The following CDH15 variants were observed in gnomAD, a reference collection of about 807,000 sequenced individuals.
CDH15 encodes cadherin-15.
Under a neutral mutation model 69.4 loss-of-function variants are expected in CDH15, and 73 were observed. The ratio of observed to expected loss-of-function variants is 1.05; its 90% CI spans 0.87 to 1.28. The LOEUF (loss-of-function observed/expected upper bound fraction) is 1.28, where lower values mean the gene tolerates loss of function less well. Ranked by LOEUF, CDH15 falls within the 50% of genes most tolerant of loss-of-function variation. The pLI, the probability that CDH15 is intolerant of heterozygous loss-of-function variation, is 0.00. For missense variants in CDH15, 1,343 were observed against 1,133.6 expected, an observed-to-expected ratio of 1.18 and a Z score of -2.65; for synonymous variants, 624 against 507.7, an observed-to-expected ratio of 1.23 and a Z score of -3.08.
intron 6 of CDH15, 93 bp from the exon 7 acceptor site, chr16:89,188,007 G>C (rs1915527768): frequency 1.2e-6 from 1 of 857,666 alleles, no homozygotes; most frequent in Non-Finnish European, 1.8e-6. Context: ...AGGAGGGAGG[G>C]TGGGAGGGGA....
At chr16:89,189,343 C>CAG (rs71387685) in intron 7 of CDH15, among the ~76,000 whole-genome samples, 3 of 124,618 alleles carry the variant, frequency 2.4e-5, no homozygotes, top group Non-Finnish European at 3.5e-5. Context: ...ACACAGATGC[C>CAG]CACACACAGA....
chr16:89,189,852 C>A (rs34126865), intron 7 of CDH15, among the ~76,000 whole-genome samples: 4,489 of 152,336 alleles, frequency 0.029, 100 homozygotes, highest in Non-Finnish European at 0.043. Context: ...GCCGACGCAG[C>A]AGTTTAGAGG....
intron 1 of CDH15, among the ~76,000 whole-genome samples, chr16:89,172,077 C>T (rs1253786997): frequency 6.6e-6 from 1 of 152,086 alleles, no homozygotes; most frequent in Non-Finnish European, 1.5e-5. Context: ...CCAAACACTC[C>T]ATCTGGTGGA....
intron 7 of CDH15, among the ~76,000 whole-genome samples, chr16:89,189,215 GCACAGGTGCCCACA>G (rs1009782020): frequency 7.2e-5 from 4 of 55,690 alleles, no homozygotes; most frequent in Non-Finnish European, 1.4e-4. Flanking sequence ...AGATGCCCAC[GCACAGGTGCCCACA>G]CACAGATGCT....
chr16:89,187,891 G>A (rs1447235430), intron 6 of CDH15, among the ~76,000 whole-genome samples: 1 of 152,164 alleles, frequency 6.6e-6, no homozygotes, highest in Non-Finnish European at 1.5e-5. Context: ...GAGGACCATG[G>A]GGGCACGTGG....
intron 7 of CDH15, among the ~76,000 whole-genome samples, chr16:89,189,021 CCACACACAGATGTT>C (rs1915570531): frequency 7.1e-6 from 1 of 140,856 alleles, no homozygotes; most frequent in East Asian, 2.2e-4. Context: ...ACACAGGTGC[CCACACACAGATGTT>C]GGCACACACA....
intron 1 of CDH15, among the ~76,000 whole-genome samples, chr16:89,172,467 C>A (rs1308280325): frequency 6.6e-6 from 1 of 152,184 alleles, no homozygotes; most frequent in African/African-American, 2.4e-5. Context: ...TGGCGTGTGG[C>A]AGCCCTGGGG....
intron 13 of CDH15, among the ~76,000 whole-genome samples, 181 bp from the exon 14 acceptor site, chr16:89,194,681 C>A (rs1413769187): frequency 6.6e-6 from 1 of 152,188 alleles, no homozygotes; most frequent in East Asian, 1.9e-4. Flanking sequence ...GCACCCTCTT[C>A]ACAACCCTGC....
In CDH15 at chr16:89,180,974, C is replaced by CTTTTTTTTTTTTTTTTTTTT. The variant is rs770080908; in HGVS notation, c.357+632_357+633insTTTTTTTTTTTTTTTTTTTT. 3.8e-3 allele frequency among the ~76,000 whole-genome samples: 367 copies of CTTTTTTTTTTTTTTTTTTTT among 96,860 alleles called. 34 individuals are homozygous for CTTTTTTTTTTTTTTTTTTTT. The highest frequency in any genetic ancestry group is 8.9e-3 in the Middle Eastern group (1 of 112). 63.5% of individuals were successfully genotyped at this position (96,860 alleles called of 152,430 possible). On this transcript the variant is annotated intron_variant, in intron 3 of 13. Transcript: ENST00000289746. ...TCCTGAGTGAGCCACCGCGCCCGAC[C>CTTTTTTTTTTTTTTTTTTTT]TTTTTTTTTTTTTGAGATGGAGCTT...
At chr16:89,172,693 C>T (rs1212001749) in intron 1 of CDH15, among the ~76,000 whole-genome samples, 6 of 152,192 alleles carry the variant, frequency 3.9e-5, no homozygotes, top group Non-Finnish European at 7.4e-5. Context: ...GCTGGAGCCA[C>T]GTCTCCTCAC....
intron 10 of CDH15, 112 bp downstream of exon 10, chr16:89,192,006 A>T (rs1287519192): frequency 7.4e-6 from 9 of 1,212,788 alleles, no homozygotes; most frequent in Non-Finnish European, 1.0e-5. Flanking sequence ...GTGGTCCTGC[A>T]ACAGGTCCCC....
chr16:89,176,060 C>T (rs771154268), intron 1 of CDH15, among the ~76,000 whole-genome samples: 10 of 152,334 alleles, frequency 6.6e-5, no homozygotes, highest in Admixed American at 2.0e-4. Context: ...GGGCCTTGCT[C>T]GTCCACACAG....
chr16:89,183,223 A>C, intron 3 of CDH15: 1 of 283,638 alleles, frequency 3.5e-6, no homozygotes, highest in Non-Finnish European at 6.7e-6. Context: ...TTCAGGAGGA[A>C]CAAAGACCAC....
chr16:89,194,935 A>G lies in CDH15; in HGVS notation c.2225A>G (p.Asp742Gly). Reference protein sequence around the residue: ...DTALIYDYEGDGSVAGTLSSI... With the variant: ...DTALIYDYEGGGSVAGTLSSI... ...GCCCTCATCTATGACTACGAGGGTG[A>G]CGGCTCGGTGGCGGGGACGCTGAGC... Residue 742 changes from aspartate (D) to glycine (G), a missense_variant, in exon 14 of 14, where the codon GAC becomes GGC. Coordinates refer to ENST00000289746, the MANE Select transcript of CDH15 (RefSeq NM_004933.3). 1 of 1,608,384 alleles carries G rather than the reference A, an allele frequency of 6.2e-7. No homozygotes were observed. The highest frequency in any genetic ancestry group is 8.5e-7 in the Non-Finnish European group (1 of 1,177,936).
chr16:89,172,249 G>C (rs1321542820), intron 1 of CDH15, among the ~76,000 whole-genome samples: 1 of 151,952 alleles, frequency 6.6e-6, no homozygotes. Context: ...GCCCCTCTCT[G>C]GGGGGCTGGG....
intron 3 of CDH15, among the ~76,000 whole-genome samples, chr16:89,180,933 C>T (rs1020120634): frequency 2.7e-5 from 4 of 148,862 alleles, no homozygotes; most frequent in African/African-American, 1.0e-4. Flanking sequence ...CTGTGTTAGC[C>T]AGGATGGTCT....
At chr16:89,175,389 C>T (rs1323595767) in intron 1 of CDH15, among the ~76,000 whole-genome samples, 2 of 152,254 alleles carry the variant, frequency 1.3e-5, no homozygotes, top group Non-Finnish European at 2.9e-5. Context: ...GGCTCTGTGG[C>T]TGGATTTCCT....
intron 8 of CDH15, among the ~76,000 whole-genome samples, chr16:89,190,893 G>A (rs769632293): frequency 3.9e-5 from 6 of 152,150 alleles, no homozygotes; most frequent in Admixed American, 6.5e-5. Context: ...TTGTCTCAGC[G>A]CCCTGGACAG....
rs1567777764 is a variant in CDH15, at chr16:89,193,750, CA to C, written c.1993-4del. On this transcript the variant is annotated splice_region_variant and splice_polypyrimidine_tract_variant and intron_variant, in intron 12 of 13. Coordinates refer to ENST00000289746, the MANE Select transcript of CDH15 (RefSeq NM_004933.3). Reference sequence around the variant, plus strand: ...CCTGGCTCTGTTCCACCTCCTCGCCCACAGGACGCCTACGACATCAGCCAGC... The same window carrying C: ...CCTGGCTCTGTTCCACCTCCTCGCCCCAGGACGCCTACGACATCAGCCAGC... 1 of 1,602,720 alleles carries C rather than the reference CA, an allele frequency of 6.2e-7. No individual in the cohort carries two copies. The highest frequency in any genetic ancestry group is 1.7e-5 in the Admixed American group (1 of 59,538).
Sources: gnomAD v4.1 joint callset for allele counts (sites outside exome capture counted in the v4.1 genomes callset) on GRCh38, gnomAD v4.1.1 for gene constraint, MANE v1.5 for transcripts, NCBI Gene and HGNC (gene_info 2026-07-23, HGNC 2026-07-21) for gene names.